The following DCP1A variants were observed in gnomAD, a reference collection of about 807,000 sequenced individuals.
DCP1A encodes mRNA-decapping enzyme 1A.
DCP1A carries 20 observed loss-of-function variants against 58.0 expected under a neutral mutation model. That is an observed-to-expected ratio of 0.34 (90% CI 0.24 to 0.50). The LOEUF (loss-of-function observed/expected upper bound fraction) is 0.50. Ranked by LOEUF, DCP1A falls within the 20% of genes least tolerant of loss-of-function variation. The pLI is 0.98. For missense variants in DCP1A, 613 were observed against 712.2 expected, an observed-to-expected ratio of 0.86 and a Z score of 1.59; for synonymous variants, 285 against 275.1, an observed-to-expected ratio of 1.04 and a Z score of -0.36.
chr3:53,286,478 T>C lies in DCP1A; in HGVS notation c.*1102A>G, dbSNP rs1428543574. 6.6e-6 allele frequency: 1 copy of C among 152,218 alleles called. No individual in the cohort carries two copies. The highest frequency in any genetic ancestry group is 2.4e-5 in the African/African-American group (1 of 41,464). The allele number at this position is 152,218 out of a possible 1,614,324, so 9.4% of individuals were successfully genotyped here. On this transcript the variant is annotated 3_prime_UTR_variant, in exon 10 of 10. Coordinates refer to ENST00000610213, the MANE Select transcript of DCP1A (RefSeq NM_018403.7). ...ATAAATAGAAATCATGGCAGATCAA[T>C]AGCAGCATAACAAAGCTTCTTTACA...
At chr3:53,319,818 A>C (rs1707909788) in intron 3 of DCP1A, among the ~76,000 whole-genome samples, 1 of 152,220 alleles carries the variant, frequency 6.6e-6, no homozygotes, top group African/African-American at 2.4e-5. Context: ...ATTGATTCTA[A>C]GATGCATTCT....
At chr3:53,297,505 C>T (rs1707170097) in intron 6 of DCP1A, among the ~76,000 whole-genome samples, 1 of 152,078 alleles carries the variant, frequency 6.6e-6, no homozygotes, top group South Asian at 2.1e-4. Context: ...GGAATGCAGA[C>T]ATGCACCACC....
At chr3:53,345,695 A>G (rs1222273255) in intron 1 of DCP1A, among the ~76,000 whole-genome samples, 1 of 152,202 alleles carries the variant, frequency 6.6e-6, no homozygotes, top group Non-Finnish European at 1.5e-5. Context: ...TTAGTCATAT[A>G]TTGAATGTGT....
chr3:53,287,374 AAAC>A lies in DCP1A; in HGVS notation c.*203_*205del, dbSNP rs1559676531. Reference sequence around the variant, plus strand: ...TTTTTTTTTTTTTTTTTTTTTGTCAAAACAAGGATCTGCTGGTGATGCTTCACA... The same window carrying A: ...TTTTTTTTTTTTTTTTTTTTTGTCAAAAGGATCTGCTGGTGATGCTTCACA... On this transcript the variant is annotated 3_prime_UTR_variant, in exon 10 of 10. Coordinates refer to ENST00000610213, the MANE Select transcript of DCP1A (RefSeq NM_018403.7). 3.3e-6 allele frequency: 1 copy of A among 304,184 alleles called. No homozygotes were observed. The highest frequency in any genetic ancestry group is 2.4e-5 in the African/African-American group (1 of 42,028). 18.8% of individuals were successfully genotyped at this position (304,184 alleles called of 1,614,324 possible).
At chr3:53,338,922 A>C (rs2089160461) in intron 3 of DCP1A, among the ~76,000 whole-genome samples, 1 of 152,134 alleles carries the variant, frequency 6.6e-6, no homozygotes. Flanking sequence ...GAACTGAAAA[A>C]AAGTTATGGT....
At chr3:53,292,000 G>C in intron 7 of DCP1A, 69 bp downstream of exon 7, 1 of 1,481,338 alleles carries the variant, frequency 6.8e-7, no homozygotes, top group Non-Finnish European at 9.0e-7. Context: ...TTAAAACCAA[G>C]GTCTCTGTAG....
At chr3:53,291,431 T>A (rs1200751320) in intron 7 of DCP1A, among the ~76,000 whole-genome samples, 5 of 132,434 alleles carry the variant, frequency 3.8e-5, no homozygotes, top group African/African-American at 1.6e-4. Context: ...ATTCATTCTA[T>A]TTTTTTTTTT....
chr3:53,332,398 A>G (rs1472131816), intron 3 of DCP1A, among the ~76,000 whole-genome samples: 1 of 152,254 alleles, frequency 6.6e-6, no homozygotes, highest in African/African-American at 2.4e-5. Flanking sequence ...TTTTAAATTT[A>G]CAGGCAAAAG....
intron 8 of DCP1A, among the ~76,000 whole-genome samples, chr3:53,288,762 C>G (rs544100360): frequency 6.6e-6 from 1 of 152,186 alleles, no homozygotes; most frequent in South Asian, 2.1e-4. Flanking sequence ...TTTGGCTGGG[C>G]GCAGTGGTTC....
chr3:53,287,451 G>A lies in DCP1A; in HGVS notation c.*129C>T, dbSNP rs34879291. ...AATGTCACTTGGAAAACATTCTTAA[G>A]AAATGAGTCTCTTTCTCATAGGCTC... On this transcript the variant is annotated 3_prime_UTR_variant, in exon 10 of 10. Transcript: ENST00000610213. 1 of 328,868 alleles carries A rather than the reference G, an allele frequency of 3.0e-6. No homozygotes were observed. The highest frequency in any genetic ancestry group is 5.6e-6 in the Non-Finnish European group (1 of 178,134). 20.4% of individuals were successfully genotyped at this position (328,868 alleles called of 1,614,324 possible). A position where few individuals can be genotyped will look rare whatever the true frequency, so the allele number is the denominator to read the frequency against.
intron 4 of DCP1A, among the ~76,000 whole-genome samples, chr3:53,312,670 A>G (rs1438821140): frequency 6.6e-6 from 1 of 151,656 alleles, no homozygotes; most frequent in Non-Finnish European, 1.5e-5. Flanking sequence ...AATGTTTTGT[A>G]TTTTTAGTAG....
rs186191391 is a variant in DCP1A, at chr3:53,332,663, G to A, written c.304+9481C>T. On this transcript the variant is annotated intron_variant, in intron 3 of 9. Transcript: ENST00000610213. ...GTGGATCATGAGGTCAGGAGATCGA[G>A]ACCATCCTGGCTAACACAGTGAAAC... Among the ~76,000 whole-genome samples the A allele has an allele frequency of 1.6e-4, 25 of 152,160 alleles. No homozygotes were observed. The East Asian group carries it at 4.8e-3, about 29-fold the overall frequency.
chr3:53,312,932 T>C (rs1289354178), intron 4 of DCP1A, among the ~76,000 whole-genome samples: 1 of 152,168 alleles, frequency 6.6e-6, no homozygotes, highest in Non-Finnish European at 1.5e-5. Flanking sequence ...CTTCCTAGAG[T>C]TGGCAGAGAT....
At chr3:53,346,442 T>C (rs2089292691) in intron 1 of DCP1A, among the ~76,000 whole-genome samples, 1 of 152,244 alleles carries the variant, frequency 6.6e-6, no homozygotes, top group Non-Finnish European at 1.5e-5. Context: ...GGATTTCGTA[T>C]CTTATTGAAA....
chr3:53,301,260 C>T (rs1707304084), intron 6 of DCP1A, among the ~76,000 whole-genome samples: 1 of 151,748 alleles, frequency 6.6e-6, no homozygotes, highest in East Asian at 1.9e-4. Flanking sequence ...TCCTAGAAAA[C>T]AGTTTGGTGG....
intron 3 of DCP1A, chr3:53,333,213 C>G (rs2089047953): frequency 6.7e-6 from 1 of 149,724 alleles, no homozygotes; most frequent in Non-Finnish European, 1.5e-5. Flanking sequence ...GTGATCTTGG[C>G]TCACTGCAAC....
chr3:53,332,002 T>C (rs2106877254), intron 3 of DCP1A, among the ~76,000 whole-genome samples: 1 of 152,332 alleles, frequency 6.6e-6, no homozygotes, highest in East Asian at 1.9e-4. Flanking sequence ...ACCAACCTAA[T>C]AGTGAGGTAT....
chr3:53,328,315 A>G (rs1207507380), intron 3 of DCP1A, among the ~76,000 whole-genome samples: 2 of 152,202 alleles, frequency 1.3e-5, no homozygotes, highest in Non-Finnish European at 2.9e-5. Flanking sequence ...ACCTACACAG[A>G]TAACTTCATT....
chr3:53,329,184 A>G (rs566417507), intron 3 of DCP1A: 1 of 394,462 alleles, frequency 2.5e-6, no homozygotes, highest in South Asian at 1.4e-4. Flanking sequence ...GCCACCTACC[A>G]TCTCTACTGT....
Sources: allele counts gnomAD v4.1 joint callset (sites outside exome capture counted in the v4.1 genomes callset), GRCh38; gene constraint gnomAD v4.1.1; transcripts MANE v1.5; gene names NCBI Gene and HGNC (gene_info 2026-07-23, HGNC 2026-07-21).